The following PCCB variants were observed in gnomAD, a reference collection of about 807,000 sequenced individuals.
PCCB encodes propionyl-CoA carboxylase subunit beta, also known as propionyl-CoA carboxylase beta chain, mitochondrial.
In PCCB, 43 loss-of-function variants were observed where a neutral mutation model predicts 60.7. The ratio of observed to expected loss-of-function variants is 0.71; its 90% CI spans 0.55 to 0.91. PCCB has a LOEUF of 0.91. Among genes scored for constraint, PCCB ranks in the 40% least tolerant of loss-of-function variants. The probability of loss-of-function intolerance (pLI) is 0.00; values close to 1 mark genes in which losing one functional copy is unlikely to be tolerated. For synonymous variants in PCCB, 276 were observed against 255.9 expected (o/e 1.08, Z -0.75); for missense variants, 766 against 702.8 (o/e 1.09, Z -1.02).
chr3:136,300,827 T>C (rs1387213823), intron 8 of PCCB, among the ~76,000 whole-genome samples: 1 of 152,216 alleles, frequency 6.6e-6, no homozygotes, highest in Non-Finnish European at 1.5e-5. Context: ...CCAGAAGATC[T>C]TTTGGATTGA....
At chr3:136,317,363 A>G (rs938540096) in intron 10 of PCCB, among the ~76,000 whole-genome samples, 34 of 151,558 alleles carry the variant, frequency 2.2e-4, no homozygotes, top group African/African-American at 7.8e-4. Flanking sequence ...CTGGGACTAC[A>G]GGCACATACC....
At chr3:136,253,866 C>T (rs2108133933) in intron 1 of PCCB, among the ~76,000 whole-genome samples, 1 of 151,580 alleles carries the variant, frequency 6.6e-6, no homozygotes, top group African/African-American at 2.4e-5. Flanking sequence ...CCAGGCTGGT[C>T]TCAACTCCTG....
chr3:136,325,923 C>T (rs974416025), intron 10 of PCCB, among the ~76,000 whole-genome samples: 6 of 152,160 alleles, frequency 3.9e-5, no homozygotes, highest in Admixed American at 3.3e-4. Flanking sequence ...ACACCATTCT[C>T]CTGCCTCAGC....
intron 9 of PCCB, among the ~76,000 whole-genome samples, chr3:136,308,668 A>G (rs1018061755): frequency 6.6e-6 from 1 of 152,230 alleles, no homozygotes; most frequent in African/African-American, 2.4e-5. Flanking sequence ...GAATATTCAC[A>G]AAAGTTGATC....
chr3:136,328,017 G>T (rs998960705), intron 13 of PCCB, among the ~76,000 whole-genome samples: 1 of 152,172 alleles, frequency 6.6e-6, no homozygotes, highest in Non-Finnish European at 1.5e-5. Flanking sequence ...TTTTGAGATT[G>T]TAAGTAAAGG....
chr3:136,268,091 T>TAG lies in PCCB; in HGVS notation c.543+6027_543+6028insGA, dbSNP rs1464366704. On this transcript the variant is annotated intron_variant, in intron 5 of 14. Transcript: ENST00000251654. ...GTGTGTGTGTGTGTGTGTGTAGATA[T>TAG]ATATATATATATATATATATATATA... Among the ~76,000 whole-genome samples, 329 of 49,640 alleles carry TAG rather than the reference T, an allele frequency of 6.6e-3. 5 individuals are homozygous for TAG. Among genetic ancestry groups the TAG allele is most frequent in the African/African-American group, 0.015 (135 of 8,812 alleles). 32.6% of individuals were successfully genotyped at this position (49,640 alleles called of 152,430 possible).
chr3:136,270,955 AT>A (rs1942182688), intron 5 of PCCB, among the ~76,000 whole-genome samples: 1 of 152,054 alleles, frequency 6.6e-6, no homozygotes, highest in Non-Finnish European at 1.5e-5. Flanking sequence ...ATGTCTATTC[AT>A]GTCCTTTGCC....
At chr3:136,327,083 C>A in intron 11 of PCCB, 72 bp from the exon 12 acceptor site, 2 of 1,422,728 alleles carry the variant, frequency 1.4e-6, no homozygotes, top group Non-Finnish European at 2.0e-6. Context: ...GTGGGAAAGA[C>A]CTCACAGCTG....
chr3:136,258,359 A>T (rs1321051697), intron 3 of PCCB, among the ~76,000 whole-genome samples: 1 of 152,192 alleles, frequency 6.6e-6, no homozygotes, highest in African/African-American at 2.4e-5. Context: ...GAGCACATGG[A>T]GTGAGAGGTT....
chr3:136,269,762 T>C (rs1428734182), intron 5 of PCCB, among the ~76,000 whole-genome samples: 1 of 151,904 alleles, frequency 6.6e-6, no homozygotes, highest in Non-Finnish European at 1.5e-5. Context: ...GGCGGGTGCC[T>C]GTAGTCCCAG....
chr3:136,272,573 T>G (rs1388846025), intron 5 of PCCB, among the ~76,000 whole-genome samples: 1 of 152,162 alleles, frequency 6.6e-6, no homozygotes, highest in Non-Finnish European at 1.5e-5. Context: ...TCTTCCTGAT[T>G]TAGAGGATTG....
At chr3:136,326,539 G>A (rs564364317) in intron 10 of PCCB, among the ~76,000 whole-genome samples, 6 of 152,362 alleles carry the variant, frequency 3.9e-5, no homozygotes, top group African/African-American at 1.4e-4. Flanking sequence ...AAGGCCGGCT[G>A]TGTCTCAGCT....
At chr3:136,268,096 A>ATATATATATGTG (rs1942072517) in intron 5 of PCCB, among the ~76,000 whole-genome samples, 1 of 106,554 alleles carries the variant, frequency 9.4e-6, no homozygotes, top group South Asian at 2.7e-4. Context: ...AGATATATAT[A>ATATATATATGTG]TATATATATA....
chr3:136,326,228 G>T (rs745588557), intron 10 of PCCB: 42 of 638,326 alleles, frequency 6.6e-5, no homozygotes, highest in Non-Finnish European at 2.0e-5. Flanking sequence ...TCTTGCTTTG[G>T]TATTGGGGTA....
rs937282013 is a variant in PCCB at position 136,330,099 on chromosome 3, A to G, written c.*73A>G. 3.5e-5 allele frequency: 56 copies of G among 1,610,018 alleles called. No homozygotes were observed. The highest frequency in any genetic ancestry group is 1.7e-4 in the Middle Eastern group (1 of 6,054). On this transcript the variant is annotated 3_prime_UTR_variant, in exon 15 of 15. Transcript: ENST00000251654. ...TCACATCCCATTCCTGCCTTTTGCAATCATGAAACCTGGGAATCCAAATAG... is the reference window on the plus strand; with the variant it reads ...TCACATCCCATTCCTGCCTTTTGCAGTCATGAAACCTGGGAATCCAAATAG...
intron 1 of PCCB, among the ~76,000 whole-genome samples, chr3:136,253,596 G>T (rs1941584910): frequency 6.6e-6 from 1 of 151,572 alleles, no homozygotes; most frequent in South Asian, 2.1e-4. Context: ...TGTTGAGCAG[G>T]CTGGTCTCTA....
At chr3:136,297,431 A>G (rs1217919958) in intron 7 of PCCB, among the ~76,000 whole-genome samples, 1 of 152,134 alleles carries the variant, frequency 6.6e-6, no homozygotes, top group Non-Finnish European at 1.5e-5. Flanking sequence ...GTGCTCTTCA[A>G]GAATTATGGC....
At chr3:136,262,747 T>C (rs1296735405) in intron 5 of PCCB, among the ~76,000 whole-genome samples, 1 of 152,196 alleles carries the variant, frequency 6.6e-6, no homozygotes, top group Non-Finnish European at 1.5e-5. Context: ...ACATTGTTTT[T>C]AATCAGGCCA....
intron 5 of PCCB, among the ~76,000 whole-genome samples, chr3:136,266,517 G>A (rs1480238888): frequency 6.6e-6 from 1 of 151,992 alleles, no homozygotes; most frequent in East Asian, 1.9e-4. Context: ...GACCTCCTGG[G>A]GTCAAGCGAT....
Sources: gnomAD v4.1 joint callset for allele counts (sites outside exome capture counted in the v4.1 genomes callset) on GRCh38, gnomAD v4.1.1 for gene constraint, MANE v1.5 for transcripts, NCBI Gene and HGNC (gene_info 2026-07-23, HGNC 2026-07-21) for gene names.